Variants in DOCK2 observed in about 807,000 individuals in gnomAD.
DOCK2 encodes the protein dedicator of cytokinesis 2.
A neutral mutation model predicts 248.9 loss-of-function variants in DOCK2; 87 were observed. The ratio of observed to expected loss-of-function variants is 0.35; its 90% CI spans 0.29 to 0.42. The LOEUF is 0.42. Ranked by LOEUF, DOCK2 falls within the 10% of genes least tolerant of loss-of-function variation. DOCK2 has a pLI of 1.00. For synonymous variants in DOCK2, 805 were observed against 821.6 expected, an observed-to-expected ratio of 0.98 and a Z score of 0.35; for missense variants, 1,747 against 2,300.2, an observed-to-expected ratio of 0.76 and a Z score of 4.92.
At chr5:169,684,074 G>T in intron 7 of DOCK2, 122 bp from the exon 8 acceptor site, 1 of 1,157,510 alleles carries the variant, frequency 8.6e-7, no homozygotes. Flanking sequence ...TTTGATGGCA[G>T]AGCTGGATGG....
intron 27 of DOCK2, among the ~76,000 whole-genome samples, chr5:169,962,718 T>C (rs534518098): frequency 6.6e-6 from 1 of 152,158 alleles, no homozygotes; most frequent in East Asian, 1.9e-4. Context: ...GAATGATAAC[T>C]CTTAGAGAGA....
intron 17 of DOCK2, 41 bp downstream of exon 17, chr5:169,712,264 A>G (rs2113527575): frequency 6.3e-7 from 1 of 1,593,326 alleles, no homozygotes; most frequent in Admixed American, 1.7e-5. Context: ...AGGGGAGTGC[A>G]GGAAGAAAGG....
intron 32 of DOCK2, among the ~76,000 whole-genome samples, chr5:170,015,890 C>T (rs1218200043): frequency 1.3e-5 from 2 of 148,380 alleles, no homozygotes; most frequent in Non-Finnish European, 3.0e-5. Context: ...TTCCCTCCTT[C>T]CTTCCTTTCT....
intron 34 of DOCK2, among the ~76,000 whole-genome samples, chr5:170,030,448 G>C (rs1756092859): frequency 6.6e-6 from 1 of 152,164 alleles, no homozygotes; most frequent in Non-Finnish European, 1.5e-5. Flanking sequence ...CGAGCCCTTA[G>C]AGTTTTTGTT....
intron 27 of DOCK2, among the ~76,000 whole-genome samples, chr5:169,929,725 G>C (rs937883973): frequency 1.5e-5 from 2 of 137,108 alleles, no homozygotes; most frequent in Non-Finnish European, 3.1e-5. Flanking sequence ...CTGGGCAACA[G>C]AGTGAGACCC....
intron 38 of DOCK2, among the ~76,000 whole-genome samples, chr5:170,042,577 C>A (rs1056104716): frequency 1.3e-5 from 2 of 152,194 alleles, no homozygotes; most frequent in Non-Finnish European, 1.5e-5. Context: ...CTCTTGCTCA[C>A]GTGCTCTATG....
chr5:169,660,187 A>G (rs908924110), intron 2 of DOCK2, among the ~76,000 whole-genome samples: 6 of 152,066 alleles, frequency 3.9e-5, no homozygotes, highest in African/African-American at 1.4e-4. Context: ...GGGGTGGAGG[A>G]ACTGTATCAT....
chr5:169,877,381 A>G (rs1049103125), intron 27 of DOCK2, among the ~76,000 whole-genome samples: 6 of 152,208 alleles, frequency 3.9e-5, no homozygotes, highest in African/African-American at 7.2e-5. Flanking sequence ...CAAGTGACAA[A>G]TGATGAGAGC....
At chr5:169,917,325 G>A (rs886997431) in intron 27 of DOCK2, among the ~76,000 whole-genome samples, 14 of 152,134 alleles carry the variant, frequency 9.2e-5, no homozygotes, top group African/African-American at 3.4e-4. Flanking sequence ...ACCAATGAAT[G>A]AATTGACTCC....
intron 9 of DOCK2, among the ~76,000 whole-genome samples, chr5:169,694,536 CTCTTA>C (rs1411967915): frequency 6.6e-6 from 1 of 152,216 alleles, no homozygotes; most frequent in Non-Finnish European, 1.5e-5. Flanking sequence ...TTGGGGAAGC[CTCTTA>C]TCTTCTTTGT....
At chr5:170,054,246 C>T (rs1234072307) in intron 41 of DOCK2, among the ~76,000 whole-genome samples, 1 of 151,856 alleles carries the variant, frequency 6.6e-6, no homozygotes, top group Non-Finnish European at 1.5e-5. Flanking sequence ...ACATGTCAGG[C>T]CCAGGAAAAG....
rs577186063 is a variant in DOCK2 at position 169,951,095 on chromosome 5, T to A, written c.2800-31973T>A. ...GAGCTGATGAGACCTGCCTGCCTTATCTGGGACACGGTCCCCACCAACCCT... is the reference window on the plus strand; with the variant it reads ...GAGCTGATGAGACCTGCCTGCCTTAACTGGGACACGGTCCCCACCAACCCT... On this transcript the variant is annotated intron_variant, in intron 27 of 51. Coordinates refer to ENST00000520908, the MANE Select transcript of DOCK2 (RefSeq NM_004946.3). Among the ~76,000 whole-genome samples the A allele has an allele frequency of 2.0e-5, 3 of 152,326 alleles. No individual in the cohort carries two copies. The South Asian group carries it at 6.2e-4, about 32-fold the overall frequency.
intron 26 of DOCK2, among the ~76,000 whole-genome samples, chr5:169,810,209 T>C (rs967769243): frequency 6.6e-6 from 1 of 152,076 alleles, no homozygotes; most frequent in Non-Finnish European, 1.5e-5. Context: ...TTCTTCTTTT[T>C]GCCTTCTTTT....
chr5:169,848,443 A>G (rs1770444889), intron 27 of DOCK2, among the ~76,000 whole-genome samples: 1 of 152,218 alleles, frequency 6.6e-6, no homozygotes, highest in South Asian at 2.1e-4. Flanking sequence ...AAAAATGTCC[A>G]GGCTTGTTTG....
chr5:169,672,498 C>T (rs1231809785), intron 5 of DOCK2, among the ~76,000 whole-genome samples: 1 of 152,172 alleles, frequency 6.6e-6, no homozygotes, highest in East Asian at 1.9e-4. Flanking sequence ...TTAATAGCTG[C>T]TTTGGATCTC....
chr5:169,653,951 G>T (rs1171069849), intron 1 of DOCK2, among the ~76,000 whole-genome samples: 1 of 152,164 alleles, frequency 6.6e-6, no homozygotes. Flanking sequence ...AGGGGCTCAG[G>T]GTCTCAGAGG....
chr5:169,905,273 G>T (rs1448001666), intron 27 of DOCK2, among the ~76,000 whole-genome samples: 1 of 145,918 alleles, frequency 6.9e-6, no homozygotes, highest in Non-Finnish European at 1.5e-5. Flanking sequence ...AAACCCAGGA[G>T]CAGTACTGTT....
chr5:169,741,274 C>A (rs1234140846), intron 22 of DOCK2, among the ~76,000 whole-genome samples: 1 of 152,136 alleles, frequency 6.6e-6, no homozygotes, highest in African/African-American at 2.4e-5. Context: ...AGGAAGGGAA[C>A]CGTCTCTTTC....
chr5:170,041,297 T>G (rs1254681695), intron 37 of DOCK2, 152 bp downstream of exon 37: 12 of 706,756 alleles, frequency 1.7e-5, no homozygotes, highest in Non-Finnish European at 4.8e-6. Context: ...GGATACTTTT[T>G]GCACTGCTTC....
Sources: allele counts gnomAD v4.1 joint callset (sites outside exome capture counted in the v4.1 genomes callset), GRCh38; gene constraint gnomAD v4.1.1; transcripts MANE v1.5; gene names NCBI Gene and HGNC (gene_info 2026-07-23, HGNC 2026-07-21).